Variants in SHROOM3 observed in about 807,000 individuals in gnomAD.
SHROOM3 encodes protein Shroom3.
Under a neutral mutation model 138.6 loss-of-function variants are expected in SHROOM3, and 47 were observed. The ratio of observed to expected loss-of-function variants is 0.34; its 90% CI spans 0.27 to 0.43. SHROOM3 has a LOEUF of 0.43. SHROOM3 is among the 20% of genes least tolerant of loss of function. SHROOM3 has a pLI of 1.00. For missense variants in SHROOM3, 2,491 were observed against 2,596.5 expected, an observed-to-expected ratio of 0.96 and a Z score of 0.88; for synonymous variants, 1,062 against 1,063.3, an observed-to-expected ratio of 1.00 and a Z score of 0.02.
At chr4:76,453,284 C>T in intron 1 of SHROOM3, among the ~76,000 whole-genome samples, 1 of 149,246 alleles carries the variant, frequency 6.7e-6, no homozygotes, top group Admixed American at 6.7e-5. Flanking sequence ...TAATTTTCTT[C>T]TTTTTTTTTT....
chr4:76,620,790 G>A (rs1393183293), intron 2 of SHROOM3, among the ~76,000 whole-genome samples: 4 of 152,170 alleles, frequency 2.6e-5, no homozygotes, highest in South Asian at 2.1e-4. Context: ...TGAGGAACCC[G>A]ATGACCATCT....
Position 76,741,440 on chromosome 4 carries a change from C to T in SHROOM3, c.3267C>T (p.Tyr1089=), listed in dbSNP as rs1447886922. 1 of 1,587,148 alleles carries T rather than the reference C, an allele frequency of 6.3e-7. No homozygotes were observed. The highest frequency in any genetic ancestry group is 1.3e-5 in the African/African-American group (1 of 74,554). Residue 1089 remains tyrosine, a synonymous_variant, in exon 5 of 11, where the codon TAC becomes TAT. Coordinates refer to ENST00000296043, the MANE Select transcript of SHROOM3 (RefSeq NM_020859.4). This position sits in a 1 kb window ranked among gnomAD's most constrained non-coding sequence, Gnocchi z 6.2. The part of the protein sequence containing the change: ...KQFQQSALAD[Y]IQRKTGKRPT... ...TCCAGCAGAGCGCCCTGGCGGACTACATCCAGCGCAAGACCGGCAAGCGGC... is the reference window on the plus strand; with the variant it reads ...TCCAGCAGAGCGCCCTGGCGGACTATATCCAGCGCAAGACCGGCAAGCGGC...
intron 7 of SHROOM3, among the ~76,000 whole-genome samples, 172 bp from the exon 8 acceptor site, chr4:76,756,277 A>G (rs1257601020): frequency 6.6e-6 from 1 of 152,172 alleles, no homozygotes; most frequent in Non-Finnish European, 1.5e-5. Flanking sequence ...ATCAGAAGCC[A>G]TATTCTTTAA....
intron 1 of SHROOM3, among the ~76,000 whole-genome samples, chr4:76,469,103 G>A (rs1340298605): frequency 2.0e-5 from 3 of 151,684 alleles, no homozygotes; most frequent in East Asian, 1.9e-4. Flanking sequence ...TCGGGAGGCC[G>A]AGGCAGGAGA....
At chr4:76,720,655 C>T (rs1560601424) in intron 3 of SHROOM3, among the ~76,000 whole-genome samples, 1 of 150,224 alleles carries the variant, frequency 6.7e-6, no homozygotes, top group Non-Finnish European at 1.5e-5. Context: ...TTCTGTTGCC[C>T]AGGCTGGAGT....
At position 76,755,146 on chromosome 4, in the gene SHROOM3, T is replaced by C; in HGVS notation, c.4663T>C (p.Cys1555Arg). The C allele has an allele frequency of 6.2e-7, 1 of 1,611,668 alleles. No individual in the cohort carries two copies. Among genetic ancestry groups the C allele is most frequent in the Non-Finnish European group, 8.5e-7 (1 of 1,179,310 alleles). The change falls in exon 7 of 11, where the codon TGT (cysteine) becomes CGT (arginine). Residue 1555 changes from cysteine to arginine, a missense_variant. Around this residue, in one of 4 missense-constraint regions of SHROOM3, gnomAD observed 470 missense variants for 595.0 expected, o/e 0.79. Coordinates refer to ENST00000296043, the MANE Select transcript of SHROOM3 (RefSeq NM_020859.4). ...DFPPPPPHTV[C>R]EAQLDSEDPE... ...CCCTCCACCTCCTCCCCACACTGTATGTGAGGCGCAGCTGGACAGTGAGGA... is the reference window on the plus strand; with the variant it reads ...CCCTCCACCTCCTCCCCACACTGTACGTGAGGCGCAGCTGGACAGTGAGGA...
chr4:76,496,041 T>C (rs1217001455), intron 1 of SHROOM3, among the ~76,000 whole-genome samples: 1 of 152,204 alleles, frequency 6.6e-6, no homozygotes, highest in Admixed American at 6.5e-5. Flanking sequence ...ATATGTGTGA[T>C]GACCAAAATA....
chr4:76,546,537 G>C (rs9996735), intron 1 of SHROOM3, among the ~76,000 whole-genome samples: 39,667 of 152,084 alleles, frequency 0.26, 5,859 homozygotes, highest in East Asian at 0.46. Flanking sequence ...TATTTCATTG[G>C]CCTCACTTTA....
chr4:76,487,457 A>G (rs1267106033), intron 1 of SHROOM3, among the ~76,000 whole-genome samples: 1 of 152,204 alleles, frequency 6.6e-6, no homozygotes, highest in Non-Finnish European at 1.5e-5. Context: ...TCTTAGGCAT[A>G]TATCTAGGAG....
At chr4:76,771,155 A>G (rs960659204) in intron 10 of SHROOM3, among the ~76,000 whole-genome samples, 4 of 152,192 alleles carry the variant, frequency 2.6e-5, no homozygotes, top group African/African-American at 9.7e-5. Flanking sequence ...ACCTGAGGTC[A>G]GGAGTTCAAG....
At chr4:76,765,821 T>A (rs1722135970) in intron 9 of SHROOM3, among the ~76,000 whole-genome samples, 1 of 152,240 alleles carries the variant, frequency 6.6e-6, no homozygotes. Context: ...TTCAAATTTC[T>A]GGCCTCCATT....
Position 76,740,569 on chromosome 4 carries a change from G to A in SHROOM3, c.2396G>A (p.Ser799Asn). ...CGAGAGCAAGGGAGCCAGAGACCGA[G>A]TGTGGGCGGCTCTGGTTTTGGCCAT... ...EQREQGSQRP[S>N]VGGSGFGHNY... Residue 799 changes from serine (S) to asparagine (N), a missense_variant, in exon 5 of 11, where the codon AGT (serine) becomes AAT (asparagine). Physicochemically the swap from Ser to Asn is conservative, Grantham distance 46. This residue lies in a region of SHROOM3 where 1,733 missense variants were observed against 1,661.6 expected (regional missense o/e 1.04). Transcript: ENST00000296043. The surrounding 1 kb of genome is among the most constrained non-coding windows in gnomAD (Gnocchi z 4.0). 6.2e-7 allele frequency: 1 copy of A among 1,614,182 alleles called. No individual in the cohort carries two copies. Among genetic ancestry groups the A allele is most frequent in the South Asian group, 1.1e-5 (1 of 91,084 alleles).
intron 2 of SHROOM3, among the ~76,000 whole-genome samples, chr4:76,608,262 C>T (rs1734664926): frequency 6.6e-6 from 1 of 152,220 alleles, no homozygotes; most frequent in Non-Finnish European, 1.5e-5. Flanking sequence ...ATTCGTTCAT[C>T]AGTGAGCCTG....
chr4:76,477,694 G>A (rs909807584), intron 1 of SHROOM3, among the ~76,000 whole-genome samples: 2 of 152,156 alleles, frequency 1.3e-5, no homozygotes, highest in East Asian at 1.9e-4. Flanking sequence ...CAAGATGGCC[G>A]AATAGGAACA....
At chr4:76,597,881 T>C (rs566117657) in intron 2 of SHROOM3, among the ~76,000 whole-genome samples, 4 of 152,264 alleles carry the variant, frequency 2.6e-5, no homozygotes, top group African/African-American at 7.2e-5. Flanking sequence ...AGTCAGTGTT[T>C]ATTTGTTTGG....
chr4:76,709,140 A>G (rs1720152927), intron 2 of SHROOM3, among the ~76,000 whole-genome samples: 1 of 152,218 alleles, frequency 6.6e-6, no homozygotes, highest in African/African-American at 2.4e-5. Flanking sequence ...GTTCCAGGAA[A>G]TAGAAGGCCA....
At chr4:76,659,990 A>G (rs1316752553) in intron 2 of SHROOM3, among the ~76,000 whole-genome samples, 1 of 152,222 alleles carries the variant, frequency 6.6e-6, no homozygotes, top group African/African-American at 2.4e-5. Context: ...GCGCAGGGGT[A>G]TTCCCAGAGG....
chr4:76,762,946 A>G (rs13113476), intron 9 of SHROOM3, among the ~76,000 whole-genome samples: 35,726 of 152,044 alleles, frequency 0.23, 4,710 homozygotes, highest in African/African-American at 0.35. Flanking sequence ...ATGTATCGGT[A>G]GGAGTCAGGA....
At chr4:76,614,179 C>T (rs1365476944) in intron 2 of SHROOM3, among the ~76,000 whole-genome samples, 5 of 152,164 alleles carry the variant, frequency 3.3e-5, no homozygotes, top group East Asian at 3.9e-4. Flanking sequence ...TTCAGCCTCC[C>T]GAGTAGCTGG....
Sources: allele counts gnomAD v4.1 joint callset (sites outside exome capture counted in the v4.1 genomes callset), GRCh38; gene constraint gnomAD v4.1.1; regional missense constraint gnomAD v4.1.1; non-coding constraint Gnocchi (gnomAD v3.1); transcripts MANE v1.5; gene names NCBI Gene and HGNC (gene_info 2026-07-23, HGNC 2026-07-21).